Variants in CNRIP1 observed in about 807,000 individuals in gnomAD.
The protein encoded by CNRIP1 is CB1 cannabinoid receptor-interacting protein 1.
Under a neutral mutation model 15.2 loss-of-function variants are expected in CNRIP1, and 10 were observed. The observed-to-expected ratio is 0.66, with a 90% CI of 0.41 to 1.12. The LOEUF is 1.12. Ranked by LOEUF, CNRIP1 falls within the 50% of genes most tolerant of loss-of-function variation. The pLI, the probability that CNRIP1 is intolerant of heterozygous loss-of-function variation, is 0.00. For missense variants in CNRIP1, 211 were observed against 214.7 expected, an observed-to-expected ratio of 0.98 and a Z score of 0.11; for synonymous variants, 91 against 83.2, an observed-to-expected ratio of 1.09 and a Z score of -0.51.
intron 2 of CNRIP1, among the ~76,000 whole-genome samples, chr2:68,309,654 T>C (rs570169161): frequency 1.3e-5 from 2 of 152,262 alleles, no homozygotes; most frequent in Non-Finnish European, 1.5e-5. Flanking sequence ...TCTCAACCCC[T>C]TGAAAGACTG....
chr2:68,319,430 C>CG lies in CNRIP1; in HGVS notation c.-31dup. ...GGGCGAGGGTCTGGCGCGGCGGCTC[C>CG]GGGGGGCGGAGGACAGCGCCGGCTG... On this transcript the variant is annotated 5_prime_UTR_variant, in exon 1 of 3. Coordinates refer to ENST00000263655, the MANE Select transcript of CNRIP1 (RefSeq NM_015463.3). 8 of 1,501,388 alleles carry CG rather than the reference C, an allele frequency of 5.3e-6. No homozygotes were observed. Among genetic ancestry groups the CG allele is most frequent in the Admixed American group, 2.0e-5 (1 of 48,888 alleles). 93.0% of individuals were successfully genotyped at this position (1,501,388 alleles called of 1,614,324 possible). A position where few individuals can be genotyped will look rare whatever the true frequency, so the allele number is the denominator to read the frequency against.
chr2:68,318,418 G>C (rs558526956), intron 1 of CNRIP1, among the ~76,000 whole-genome samples: 1 of 152,148 alleles, frequency 6.6e-6, no homozygotes, highest in African/African-American at 2.4e-5. Context: ...CAGTTCTTCC[G>C]GGTAGGCTAC....
intron 2 of CNRIP1, among the ~76,000 whole-genome samples, chr2:68,307,025 TAA>T (rs1201716326): frequency 6.6e-6 from 1 of 152,206 alleles, no homozygotes; most frequent in African/African-American, 2.4e-5. Context: ...AGCAAATTTT[TAA>T]AGTGGCAGTA....
Position 68,308,466 on chromosome 2 carries a change from A to G in CNRIP1, c.330+8691T>C, listed in dbSNP as rs1671948550. On this transcript the variant is annotated intron_variant, in intron 2 of 2. Transcript: ENST00000263655. The stretch of plus-strand genomic sequence containing the variant: ...ATACTGTGTAGAGACATAATTTCTT[A>G]TTTTTCTTTATGATTTCTATTTAAA... Among the ~76,000 whole-genome samples, 3 of 151,608 alleles carry G rather than the reference A, an allele frequency of 2.0e-5. 1 individual carries two copies. In the South Asian group the frequency reaches 6.2e-4, roughly 32 times the overall value.
At chr2:68,294,816 T>C (rs1671289414) in intron 2 of CNRIP1, among the ~76,000 whole-genome samples, 1 of 152,230 alleles carries the variant, frequency 6.6e-6, no homozygotes, top group African/African-American at 2.4e-5. Flanking sequence ...GTATCTGCTA[T>C]GTACCTTGCA....
chr2:68,314,436 T>A (rs1672199615), intron 2 of CNRIP1, among the ~76,000 whole-genome samples: 1 of 152,018 alleles, frequency 6.6e-6, no homozygotes, highest in Non-Finnish European at 1.5e-5. Context: ...ATCAAATATA[T>A]CAAATAAGAT....
chr2:68,288,815 C>A (rs186774798), downstream of CNRIP1, among the ~76,000 whole-genome samples: 4 of 152,246 alleles, frequency 2.6e-5, no homozygotes, highest in Admixed American at 1.3e-4. Context: ...ACAAACACTG[C>A]AGGAGAGTGG....
Position 68,293,387 on chromosome 2 carries a change from C to A in CNRIP1, c.*475G>T, listed in dbSNP as rs1010123894. On this transcript the variant is annotated 3_prime_UTR_variant, in exon 3 of 3. Coordinates refer to ENST00000263655, the MANE Select transcript of CNRIP1 (RefSeq NM_015463.3). ...CTGTTTGTATTACATTTTCACAAAGCCTGCTTTGAAAGCTGGCAAACACTG... is the reference window on the plus strand; with the variant it reads ...CTGTTTGTATTACATTTTCACAAAGACTGCTTTGAAAGCTGGCAAACACTG... The A allele has an allele frequency of 1.5e-5, 15 of 986,228 alleles. No individual in the cohort carries two copies. Among genetic ancestry groups the A allele is most frequent in the African/African-American group, 1.7e-5 (1 of 57,244 alleles). The allele number at this position is 986,228 out of a possible 1,614,324, so 61.1% of individuals were successfully genotyped here. A position where few individuals can be genotyped will look rare whatever the true frequency, so the allele number is the denominator to read the frequency against.
chr2:68,313,062 G>C (rs545917377), intron 2 of CNRIP1, among the ~76,000 whole-genome samples: 1 of 151,968 alleles, frequency 6.6e-6, no homozygotes, highest in Admixed American at 6.6e-5. Flanking sequence ...AAACACAAAG[G>C]ACCTAGATTA....
intron 2 of CNRIP1, among the ~76,000 whole-genome samples, chr2:68,305,122 C>T (rs1671762271): frequency 6.6e-6 from 1 of 151,480 alleles, no homozygotes; most frequent in East Asian, 2.0e-4. Context: ...CACATGCCTG[C>T]AATCCCAGCT....
intron 2 of CNRIP1, among the ~76,000 whole-genome samples, chr2:68,302,037 TTTA>T (rs1387157957): frequency 1.3e-5 from 2 of 152,118 alleles, no homozygotes; most frequent in African/African-American, 2.4e-5. Flanking sequence ...AACAATTATC[TTTA>T]TTATTTCACC....
chr2:68,288,067 G>GGCCA (rs70949693), downstream of CNRIP1, among the ~76,000 whole-genome samples: 45 of 149,860 alleles, frequency 3.0e-4, no homozygotes, highest in South Asian at 1.3e-3. Flanking sequence ...GCAGCCGGCC[G>GGCCA]GCCAGCCAGC....
Position 68,293,606 on chromosome 2 carries a change from C to T in CNRIP1, c.*256G>A. On this transcript the variant is annotated 3_prime_UTR_variant, in exon 3 of 3. Coordinates refer to ENST00000263655, the MANE Select transcript of CNRIP1 (RefSeq NM_015463.3). ...CAGTCACAAGTGGTCAAAAGTATGA[C>T]CGAGAACAACTGGATGCAGGAACAT... 8.8e-7 allele frequency: 1 copy of T among 1,137,780 alleles called. No homozygotes were observed. Among genetic ancestry groups the T allele is most frequent in the Non-Finnish European group, 1.1e-6 (1 of 921,844 alleles). 70.5% of individuals were successfully genotyped at this position (1,137,780 alleles called of 1,614,324 possible). A position where few individuals can be genotyped will look rare whatever the true frequency, so the allele number is the denominator to read the frequency against.
At chr2:68,302,176 A>G (rs1405407973) in intron 2 of CNRIP1, among the ~76,000 whole-genome samples, 1 of 152,108 alleles carries the variant, frequency 6.6e-6, no homozygotes, top group Non-Finnish European at 1.5e-5. Flanking sequence ...TTAATTTCCT[A>G]CATCTTATGA....
At position 68,319,532 on chromosome 2, in the gene CNRIP1, G is replaced by C. The variant is rs990678411; in HGVS notation, c.-132C>G. 1.0e-6 allele frequency: 1 copy of C among 978,272 alleles called. No homozygotes were observed. Among genetic ancestry groups the C allele is most frequent in the African/African-American group, 1.7e-5 (1 of 57,664 alleles). 60.6% of individuals were successfully genotyped at this position (978,272 alleles called of 1,614,324 possible). On this transcript the variant is annotated 5_prime_UTR_variant, in exon 1 of 3. Coordinates refer to ENST00000263655, the MANE Select transcript of CNRIP1 (RefSeq NM_015463.3). ...GGGAGGTGGTGGAGCTGAGGCTGCC[G>C]CTAGGAACCCGCGCCGTCGCCGCCG... is the stretch of plus-strand genomic sequence containing the variant.
intron 2 of CNRIP1, among the ~76,000 whole-genome samples, chr2:68,305,664 C>T (rs1205356388): frequency 6.6e-6 from 1 of 151,508 alleles, no homozygotes; most frequent in Non-Finnish European, 1.5e-5. Context: ...GGCATGGTGG[C>T]GAGCACCTGT....
At chr2:68,292,787 T>C (rs1293437137), downstream of CNRIP1, among the ~76,000 whole-genome samples, 2 of 152,140 alleles carry the variant, frequency 1.3e-5, no homozygotes, top group African/African-American at 4.8e-5. Flanking sequence ...GGTACAAGCA[T>C]TTTTTGATTG....
chr2:68,307,427 C>A (rs1193418398), intron 2 of CNRIP1, among the ~76,000 whole-genome samples: 1 of 152,120 alleles, frequency 6.6e-6, no homozygotes, highest in Non-Finnish European at 1.5e-5. Flanking sequence ...GCTGGAGTAA[C>A]CCTCCCACCT....
chr2:68,298,699 T>C (rs1671481083), intron 2 of CNRIP1, among the ~76,000 whole-genome samples: 1 of 152,230 alleles, frequency 6.6e-6, no homozygotes, highest in African/African-American at 2.4e-5. Flanking sequence ...TAACTATGCA[T>C]ATGTCTTCCT....
Sources: gnomAD v4.1 joint callset for allele counts (sites outside exome capture counted in the v4.1 genomes callset) on GRCh38, gnomAD v4.1.1 for gene constraint, MANE v1.5 for transcripts, NCBI Gene and HGNC (gene_info 2026-07-23, HGNC 2026-07-21) for gene names.